The following CPNE8 variants were observed in gnomAD, a reference collection of about 807,000 sequenced individuals.
CPNE8 encodes the protein copine-8.
In CPNE8, 45 loss-of-function variants were observed where a neutral mutation model predicts 81.5. That is an observed-to-expected ratio of 0.55 (90% CI 0.44 to 0.71). The LOEUF (loss-of-function observed/expected upper bound fraction) is 0.71, where lower values mean the gene tolerates loss of function less well. CPNE8 is among the 30% of genes least tolerant of loss of function. The probability of loss-of-function intolerance (pLI) is 0.00; values close to 1 mark genes in which losing one functional copy is unlikely to be tolerated. For synonymous variants in CPNE8, 252 were observed against 226.3 expected (o/e 1.11, Z -1.02); for missense variants, 594 against 672.1 (o/e 0.88, Z 1.28).
At chr12:38,758,612 T>C (rs186506458) in intron 10 of CPNE8, among the ~76,000 whole-genome samples, 14 of 152,312 alleles carry the variant, frequency 9.2e-5, no homozygotes, top group Admixed American at 9.1e-4. Context: ...AAGTTACTTC[T>C]TTGCCTCAGT....
intron 8 of CPNE8, among the ~76,000 whole-genome samples, chr12:38,762,497 A>G (rs1266978381): frequency 6.6e-6 from 1 of 152,204 alleles, no homozygotes; most frequent in Non-Finnish European, 1.5e-5. Flanking sequence ...ATGCTGATGG[A>G]GTGAAAAATA....
chr12:38,799,035 C>G (rs980102784), intron 6 of CPNE8, among the ~76,000 whole-genome samples: 2 of 152,036 alleles, frequency 1.3e-5, no homozygotes, highest in Non-Finnish European at 2.9e-5. Flanking sequence ...ACAGGAGCAC[C>G]CAGATTCATA....
At chr12:38,905,633 G>C (rs996090510), upstream of CPNE8, 2 of 1,510,940 alleles carry the variant, frequency 1.3e-6, no homozygotes, top group Non-Finnish European at 1.8e-6. Context: ...GTTGAGGGTG[G>C]AGGCAGAAGA....
intron 13 of CPNE8, among the ~76,000 whole-genome samples, chr12:38,703,500 A>G (rs1352902329): frequency 6.6e-6 from 1 of 152,154 alleles, no homozygotes; most frequent in African/African-American, 2.4e-5. Context: ...AGCCAACATC[A>G]TACTGAATGG....
Position 38,867,335 on chromosome 12 carries a change from TGTGTGA to T in CPNE8, c.186+5663_186+5668del, listed in dbSNP as rs1394245811. Among the ~76,000 whole-genome samples, 631 of 143,112 alleles carry T rather than the reference TGTGTGA, an allele frequency of 4.4e-3. 3 individuals carry two copies. The highest frequency in any genetic ancestry group is 0.014 in the African/African-American group (494 of 35,984). The allele number at this position is 143,112 out of a possible 152,430, so 93.9% of individuals were successfully genotyped here. ...GTGTGTGTGTGTGTGTGTGTGTGTG[TGTGTGA>T]GAGAGAGAGAGAGAGAGAGAGAGAG... On this transcript the variant is annotated intron_variant, in intron 3 of 19. Transcript: ENST00000331366.
intron 8 of CPNE8, among the ~76,000 whole-genome samples, chr12:38,767,274 C>T (rs998744319): frequency 4.6e-5 from 7 of 152,022 alleles, no homozygotes; most frequent in African/African-American, 1.7e-4. Flanking sequence ...AACCCACAAG[C>T]TCCATATCCT....
chr12:38,899,292 A>T (rs1004243310), intron 1 of CPNE8, among the ~76,000 whole-genome samples: 7 of 152,132 alleles, frequency 4.6e-5, no homozygotes, highest in African/African-American at 1.7e-4. Context: ...ATGAATGGGA[A>T]TACTGTCCTG....
intron 10 of CPNE8, among the ~76,000 whole-genome samples, chr12:38,736,396 T>C (rs181149242): frequency 6.6e-6 from 1 of 151,942 alleles, no homozygotes; most frequent in East Asian, 1.9e-4. Context: ...ATGAAGATAA[T>C]ATTTTTATTG....
Position 38,767,727 on chromosome 12 carries a change from C to G in CPNE8, c.483G>C (p.Leu161Phe), listed in dbSNP as rs1941719414. 1 of 1,547,514 alleles carries G rather than the reference C, an allele frequency of 6.5e-7. No individual in the cohort carries two copies. Among genetic ancestry groups the G allele is most frequent in the Non-Finnish European group, 8.7e-7 (1 of 1,151,792 alleles). The change falls in exon 8 of 20, where the codon TTG becomes TTC. Residue 161 changes from leucine to phenylalanine, a missense_variant. Leu to Phe is a conservative substitution (Grantham distance 22). Transcript: ENST00000331366. ...EELNCCRDAVLMQFCANKLDK... is the reference protein window; with the variant it reads ...EELNCCRDAVFMQFCANKLDK... ...CCAATTTGTTCGCACAAAATTGCAT[C>G]AAAACGGCATCCTAAAAACAAAATT...
chr12:38,656,098 G>A, intron 19 of CPNE8, among the ~76,000 whole-genome samples: 1 of 146,394 alleles, frequency 6.8e-6, no homozygotes. Flanking sequence ...AAAAATCAAA[G>A]AGGTAAAAAA....
chr12:38,799,381 G>A (rs889610439), intron 6 of CPNE8, among the ~76,000 whole-genome samples: 2 of 152,044 alleles, frequency 1.3e-5, no homozygotes, highest in Non-Finnish European at 2.9e-5. Flanking sequence ...TAGAACTCAG[G>A]ATTAAGAAAC....
chr12:38,772,192 T>C (rs1817388087), intron 7 of CPNE8, among the ~76,000 whole-genome samples: 2 of 152,122 alleles, frequency 1.3e-5, no homozygotes, highest in African/African-American at 4.8e-5. Context: ...TGTGAAACAG[T>C]ATGAAAGCCC....
intron 6 of CPNE8, among the ~76,000 whole-genome samples, chr12:38,807,486 A>G (rs917652865): frequency 3.3e-5 from 5 of 151,540 alleles, no homozygotes; most frequent in Non-Finnish European, 1.5e-5. Context: ...AACCTGAGAA[A>G]AACAAGCAAT....
intron 1 of CPNE8, among the ~76,000 whole-genome samples, chr12:38,899,685 G>T (rs955350651): frequency 6.6e-6 from 1 of 152,176 alleles, no homozygotes; most frequent in African/African-American, 2.4e-5. Context: ...AGAGTATGTA[G>T]CTTGGCACAC....
rs370924421 is a variant in CPNE8, at chr12:38,670,833, T to C, written c.1433-31A>G. The stretch of plus-strand genomic sequence containing the variant: ...AGAGAAAATATGATCATTTATTCAG[T>C]ACATTTTAGCCAAATACTAAAACAA... On this transcript the variant is annotated intron_variant, in intron 18 of 19. Coordinates refer to ENST00000331366, the MANE Select transcript of CPNE8 (RefSeq NM_153634.3). 2.0e-6 allele frequency: 3 copies of C among 1,512,434 alleles called. No homozygotes were observed. In the African/African-American group the frequency reaches 4.1e-5, roughly 21 times the overall value. 93.7% of individuals were successfully genotyped at this position (1,512,434 alleles called of 1,614,324 possible). A position where few individuals can be genotyped will look rare whatever the true frequency, so the allele number is the denominator to read the frequency against.
At chr12:38,781,261 G>T (rs1022973822) in intron 6 of CPNE8, among the ~76,000 whole-genome samples, 2 of 151,906 alleles carry the variant, frequency 1.3e-5, no homozygotes, top group African/African-American at 2.4e-5. Context: ...GGGCAGATGA[G>T]GATCACTAAG....
intron 7 of CPNE8, among the ~76,000 whole-genome samples, chr12:38,773,875 C>T (rs1159726362): frequency 6.6e-6 from 1 of 151,808 alleles, no homozygotes; most frequent in African/African-American, 2.4e-5. Flanking sequence ...AATAATGATG[C>T]TGATGATCAA....
At chr12:38,788,597 T>G (rs73089536) in intron 6 of CPNE8, among the ~76,000 whole-genome samples, 12,148 of 151,836 alleles carry the variant, frequency 0.08, 627 homozygotes, top group East Asian at 0.28. Flanking sequence ...GTACTGGAAG[T>G]TCTAGCTAGA....
At chr12:38,660,941 TA>T (rs1473978777) in intron 19 of CPNE8, among the ~76,000 whole-genome samples, 1 of 152,082 alleles carries the variant, frequency 6.6e-6, no homozygotes, top group African/African-American at 2.4e-5. Context: ...TGGCAATCAT[TA>T]AAAAGCCAGG....
Sources: allele counts gnomAD v4.1 joint callset (sites outside exome capture counted in the v4.1 genomes callset), GRCh38; gene constraint gnomAD v4.1.1; transcripts MANE v1.5; gene names NCBI Gene and HGNC (gene_info 2026-07-23, HGNC 2026-07-21).